Variants in NOXRED1 observed in about 807,000 individuals in gnomAD.
NOXRED1 encodes NADP-dependent oxidoreductase domain-containing protein 1.
NOXRED1 carries 20 observed loss-of-function variants against 30.4 expected under a neutral mutation model. That is an observed-to-expected ratio of 0.66 (90% confidence interval 0.46 to 0.96). The LOEUF (loss-of-function observed/expected upper bound fraction) is 0.96, where lower values mean the gene tolerates loss of function less well. Among genes scored for constraint, NOXRED1 ranks in the 40% least tolerant of loss-of-function variants. The pLI, the probability that NOXRED1 is intolerant of heterozygous loss-of-function variation, is 0.00. For missense variants in NOXRED1, 374 were observed against 428.0 expected, an observed-to-expected ratio of 0.87 and a Z score of 1.11; for synonymous variants, 155 against 168.0, an observed-to-expected ratio of 0.92 and a Z score of 0.60.
At chr14:77,405,890 G>A in intron 5 of NOXRED1, 23 bp downstream of exon 5, 1 of 1,394,442 alleles carries the variant, frequency 7.2e-7, no homozygotes, top group Non-Finnish European at 1.0e-6. Flanking sequence ...AAATGAGAAT[G>A]GCCAGCTGTC....
chr14:77,418,915 C>T (rs2139700475), intron 1 of NOXRED1, among the ~76,000 whole-genome samples: 1 of 152,278 alleles, frequency 6.6e-6, no homozygotes, highest in East Asian at 1.9e-4. Context: ...ATATATTCAC[C>T]TTTGCCAGAG....
At position 77,422,924 on chromosome 14, in the gene NOXRED1, A is replaced by C; in HGVS notation, c.-35T>G. ...ACTATTTCCTGCAGTGATAGACACT[A>C]ATCAATTTGGCTCCCTGTCCCGGTA... is the stretch of plus-strand genomic sequence containing the variant. On this transcript the variant is annotated 5_prime_UTR_variant, in exon 1 of 6. It adds an upstream start codon to the 5' untranslated region. Coordinates refer to ENST00000380835, the MANE Select transcript of NOXRED1 (RefSeq NM_001113475.3). 2.5e-6 allele frequency: 4 copies of C among 1,585,722 alleles called. No homozygotes were observed. The highest frequency in any genetic ancestry group is 2.3e-5 in the South Asian group (2 of 87,816).
intron 5 of NOXRED1, among the ~76,000 whole-genome samples, chr14:77,399,558 A>G (rs758477992): frequency 1.6e-4 from 24 of 152,118 alleles, no homozygotes; most frequent in Non-Finnish European, 3.5e-4. Flanking sequence ...AATAAATACT[A>G]CTCATTAAAA....
At chr14:77,395,955 A>T (rs1594866730) in intron 5 of NOXRED1, among the ~76,000 whole-genome samples, 1 of 151,948 alleles carries the variant, frequency 6.6e-6, no homozygotes, top group Non-Finnish European at 1.5e-5. Context: ...GATGGTGCGC[A>T]CCTGTAGTCC....
intron 5 of NOXRED1, among the ~76,000 whole-genome samples, chr14:77,405,359 C>T (rs1440372938): frequency 6.6e-6 from 1 of 152,222 alleles, no homozygotes; most frequent in African/African-American, 2.4e-5. Context: ...CGTGCCACTG[C>T]ACTCCAGCCT....
chr14:77,405,776 A>G (rs2139674213), intron 5 of NOXRED1, 137 bp downstream of exon 5: 2 of 614,906 alleles, frequency 3.3e-6, no homozygotes, highest in East Asian at 2.8e-5. Flanking sequence ...TTACTTTTCC[A>G]CTAGTTGAAA....
chr14:77,408,892 A>ATTTTTTTTTTTTTTTT (rs1177680524), intron 2 of NOXRED1, among the ~76,000 whole-genome samples: 1,587 of 68,118 alleles, frequency 0.023, 426 homozygotes, highest in African/African-American at 0.024. Flanking sequence ...CTGGTAGTTA[A>ATTTTTTTTTTTTTTTT]TTTTTTTTTT....
At chr14:77,404,300 A>G (rs1894400932) in intron 5 of NOXRED1, among the ~76,000 whole-genome samples, 1 of 152,258 alleles carries the variant, frequency 6.6e-6, no homozygotes, top group African/African-American at 2.4e-5. Context: ...AATCACAGGC[A>G]TAGAGAATAA....
chr14:77,414,953 G>A (rs1202790888), intron 1 of NOXRED1, among the ~76,000 whole-genome samples: 1 of 152,120 alleles, frequency 6.6e-6, no homozygotes, highest in African/African-American at 2.4e-5. Flanking sequence ...AAGGCAGGCA[G>A]ATCACTTGAG....
intron 2 of NOXRED1, among the ~76,000 whole-genome samples, chr14:77,411,038 C>T (rs544824152): frequency 1.3e-5 from 2 of 152,162 alleles, no homozygotes; most frequent in Non-Finnish European, 1.5e-5. Context: ...CACTTATATA[C>T]ATGTATTCAT....
intron 1 of NOXRED1, 24 bp downstream of exon 1, chr14:77,422,711 C>T (rs754050228): frequency 6.2e-7 from 1 of 1,610,166 alleles, no homozygotes; most frequent in Non-Finnish European, 8.5e-7. Flanking sequence ...TGTCCATCTT[C>T]CTGAATTTGG....
chr14:77,414,175 G>GT (rs777310003), intron 1 of NOXRED1, 48 bp from the exon 2 acceptor site: 1 of 1,016,560 alleles, frequency 9.8e-7, no homozygotes, highest in Non-Finnish European at 1.4e-6. Flanking sequence ...GCACACACTA[G>GT]TTTTTCTTTT....
chr14:77,414,208 G>A, intron 1 of NOXRED1, 81 bp from the exon 2 acceptor site: 1 of 881,542 alleles, frequency 1.1e-6, no homozygotes. Flanking sequence ...TTGAGACAGA[G>A]TCTTGCTTTG....
chr14:77,416,433 G>C lies in NOXRED1; in HGVS notation c.156-2306C>G, dbSNP rs546623420. Among the ~76,000 whole-genome samples, 2 of 152,128 alleles carry C rather than the reference G, an allele frequency of 1.3e-5. 1 individual carries two copies. Among genetic ancestry groups the C allele is most frequent in the South Asian group, 4.1e-4 (2 of 4,828 alleles). On this transcript the variant is annotated intron_variant, in intron 1 of 5. Coordinates refer to ENST00000380835, the MANE Select transcript of NOXRED1 (RefSeq NM_001113475.3). ...AGGAGCATGCTGCCTTCAAGCATCT[G>C]TTTAACAAAGCACATCTTGCACCGC...
intron 1 of NOXRED1, among the ~76,000 whole-genome samples, chr14:77,419,370 G>C (rs543894434): frequency 6.7e-6 from 1 of 150,222 alleles, no homozygotes; most frequent in African/African-American, 2.4e-5. Flanking sequence ...ACCATGCCCA[G>C]CTTCTCCTTA....
chr14:77,396,540 C>T (rs190581846), intron 5 of NOXRED1, among the ~76,000 whole-genome samples: 1 of 152,212 alleles, frequency 6.6e-6, no homozygotes, highest in East Asian at 1.9e-4. Flanking sequence ...TGAGCCACCG[C>T]ACCCAGCCCA....
intron 5 of NOXRED1, among the ~76,000 whole-genome samples, chr14:77,396,921 T>G (rs778949705): frequency 3.3e-5 from 5 of 152,260 alleles, no homozygotes; most frequent in Non-Finnish European, 5.9e-5. Context: ...CTGGTGAGGA[T>G]GCAGAGAAAC....
intron 5 of NOXRED1, among the ~76,000 whole-genome samples, chr14:77,397,195 C>A (rs1386998652): frequency 6.6e-6 from 1 of 152,168 alleles, no homozygotes. Flanking sequence ...TACAGCCATG[C>A]CGTGGAATAT....
intron 3 of NOXRED1, 135 bp downstream of exon 3, chr14:77,407,330 A>G: frequency 1.5e-6 from 1 of 689,606 alleles, no homozygotes; most frequent in Non-Finnish European, 2.5e-6. Flanking sequence ...TCTTCTACAG[A>G]TAAAGCTGCT....
Sources: gnomAD v4.1 joint callset for allele counts (sites outside exome capture counted in the v4.1 genomes callset) on GRCh38, gnomAD v4.1.1 for gene constraint, MANE v1.5 for transcripts, NCBI Gene and HGNC (gene_info 2026-07-23, HGNC 2026-07-21) for gene names.